CACNA2D2: variants seen among roughly 807,000 people sequenced by gnomAD.
CACNA2D2 encodes voltage-dependent calcium channel subunit alpha-2/delta-2.
In CACNA2D2, 48 loss-of-function variants were observed where a neutral mutation model predicts 166.4. That is an observed-to-expected ratio of 0.29 (90% CI 0.23 to 0.37). CACNA2D2 has a LOEUF of 0.37. CACNA2D2 is among the 10% of genes least tolerant of loss of function. CACNA2D2 has a pLI of 1.00. For missense variants in CACNA2D2, 1,122 were observed against 1,433.0 expected (o/e 0.78, Z 3.50); for synonymous variants, 561 against 573.7 (o/e 0.98, Z 0.32).
rs746491690 is a variant in CACNA2D2 at position 50,384,306 on chromosome 3, C to T, written c.542G>A (p.Gly181Glu). ...DDPESEDVERGSKASTLRLDF... is the reference protein window; with the variant it reads ...DDPESEDVERESKASTLRLDF... The stretch of plus-strand genomic sequence containing the variant: ...CAGCCTTAGGGTGCTGGCCTTAGAC[C>T]CCCTTTCCACATCCTCACTCTCAGG... The change falls in exon 6 of 38, where the codon GGG becomes GAG. Residue 181 changes from glycine (G) to glutamate (E), a missense_variant. Coordinates refer to ENST00000424201, the MANE Select transcript of CACNA2D2 (RefSeq NM_006030.4). 5 of 1,613,928 alleles carry T rather than the reference C, an allele frequency of 3.1e-6. No homozygotes were observed. The African/African-American group carries it at 6.7e-5, about 22-fold the overall frequency.
At chr3:50,447,231 G>GT (rs1164319621) in intron 2 of CACNA2D2, among the ~76,000 whole-genome samples, 4 of 152,196 alleles carry the variant, frequency 2.6e-5, no homozygotes, top group African/African-American at 9.7e-5. Flanking sequence ...CTGAGAAACT[G>GT]TAAGGTCGTC....
intron 6 of CACNA2D2, among the ~76,000 whole-genome samples, chr3:50,382,257 C>T (rs948993976): frequency 5.9e-5 from 9 of 152,174 alleles, no homozygotes; most frequent in Non-Finnish European, 1.0e-4. Flanking sequence ...CCTTCAGGGA[C>T]CCCCACCCTC....
At position 50,378,990 on chromosome 3, in the gene CACNA2D2, G is replaced by T; in HGVS notation, c.1264C>A (p.Arg422Ser). Residue 422 changes from arginine to serine, a missense_variant, in exon 13 of 38, where the codon CGC (arginine) becomes AGC (serine). Arg to Ser is a moderately radical substitution (Grantham distance 110). Coordinates refer to ENST00000424201, the MANE Select transcript of CACNA2D2 (RefSeq NM_006030.4). ...TGCCCCACGGAGAAAGTAAACACGC[G>T]CACCTGTGGGGGGTTTGAGGTTACT... ...EKYNWPNRTV[R>S]VFTFSVGQHN... 1 of 1,613,944 alleles carries T rather than the reference G, an allele frequency of 6.2e-7. No individual in the cohort carries two copies. The highest frequency in any genetic ancestry group is 1.1e-5 in the South Asian group (1 of 91,084).
chr3:50,471,763 T>C (rs984834709), intron 2 of CACNA2D2, among the ~76,000 whole-genome samples: 5 of 152,124 alleles, frequency 3.3e-5, no homozygotes, highest in Non-Finnish European at 5.9e-5. Flanking sequence ...TGGCCAGACT[T>C]TGGTCAGTGC....
At chr3:50,483,420 T>A (rs1698140769) in intron 1 of CACNA2D2, among the ~76,000 whole-genome samples, 1 of 152,220 alleles carries the variant, frequency 6.6e-6, no homozygotes, top group African/African-American at 2.4e-5. Flanking sequence ...TACTTCCTGG[T>A]CCTTCATGAG....
At chr3:50,369,580 C>T (rs995041067) in intron 23 of CACNA2D2, among the ~76,000 whole-genome samples, 2 of 152,162 alleles carry the variant, frequency 1.3e-5, no homozygotes, top group Non-Finnish European at 2.9e-5. Context: ...CCTTCCAGTG[C>T]CCCTGGGTCT....
chr3:50,443,261 A>ACCCACCCTGGC lies in CACNA2D2; in HGVS notation c.289-8843_289-8833dup, dbSNP rs375045892. Among the ~76,000 whole-genome samples, 389 of 152,180 alleles carry ACCCACCCTGGC rather than the reference A, an allele frequency of 2.6e-3. 2 individuals carry two copies. Among genetic ancestry groups the ACCCACCCTGGC allele is most frequent in the African/African-American group, 8.5e-3 (355 of 41,532 alleles). On this transcript the variant is annotated intron_variant, in intron 2 of 37. Coordinates refer to ENST00000424201, the MANE Select transcript of CACNA2D2 (RefSeq NM_006030.4). The stretch of plus-strand genomic sequence containing the variant: ...GTGTCGGCGTCTGGGCCCCCTTGCC[A>ACCCACCCTGGC]CCCACCCTGGCTCTGCTCTCTCCCG...
At position 50,378,900 on chromosome 3, in the gene CACNA2D2, G is replaced by A; in HGVS notation, c.1339+15C>T. ...TGGCAGGCAGGCCCCTGACAGTGATGCGCAGGGGAGGTACCTTTGTTGGCA... is the reference window on the plus strand; with the variant it reads ...TGGCAGGCAGGCCCCTGACAGTGATACGCAGGGGAGGTACCTTTGTTGGCA... On this transcript the variant is annotated intron_variant, in intron 13 of 37. Coordinates refer to ENST00000424201, the MANE Select transcript of CACNA2D2 (RefSeq NM_006030.4). The A allele has an allele frequency of 1.2e-6, 2 of 1,612,952 alleles. No homozygotes were observed. Among genetic ancestry groups the A allele is most frequent in the Non-Finnish European group, 1.7e-6 (2 of 1,179,444 alleles).
Position 50,394,143 on chromosome 3 carries a change from A to G in CACNA2D2, c.431T>C (p.Phe144Ser), listed in dbSNP as rs564823519. 3 of 1,614,028 alleles carry G rather than the reference A, an allele frequency of 1.9e-6. No individual in the cohort carries two copies. The African/African-American group carries it at 4.0e-5, about 22-fold the overall frequency. The part of the protein sequence containing the change: ...LKRLADAAEN[F>S]QKAHRWQDNI... ...GTCCTGCCAGCGGTGTGCTTTCTGG[A>G]AGTTCTCTGCAGCATCAGCCAGTCT... is the stretch of plus-strand genomic sequence containing the variant. Residue 144 changes from phenylalanine to serine, a missense_variant, in exon 4 of 38, where the codon TTC (phenylalanine) becomes TCC (serine). Physicochemically the swap from Phe to Ser is radical, Grantham distance 155. Transcript: ENST00000424201.
chr3:50,446,262 C>T (rs1012315899), intron 2 of CACNA2D2, among the ~76,000 whole-genome samples: 2 of 152,210 alleles, frequency 1.3e-5, no homozygotes, highest in African/African-American at 2.4e-5. Context: ...CCATTACTGG[C>T]GGGGCCAAAG....
chr3:50,464,582 G>T (rs991596170), intron 2 of CACNA2D2, among the ~76,000 whole-genome samples: 1 of 152,198 alleles, frequency 6.6e-6, no homozygotes, highest in African/African-American at 2.4e-5. Context: ...GTCTGAGGGG[G>T]AGACACAGTA....
Position 50,379,934 on chromosome 3 carries a change from G to C in CACNA2D2, c.893+34C>G, listed in dbSNP as rs182383311. ...AGAGTCTAGCCCATTGCCCGTCCCT[G>C]CCCCAGCCCCACTTGCCAGCACTGC... On this transcript the variant is annotated intron_variant, in intron 9 of 37. Transcript: ENST00000424201. This position sits in a 1 kb window ranked among gnomAD's most constrained non-coding sequence, Gnocchi z 6.5. 678 of 1,613,688 alleles carry C rather than the reference G, an allele frequency of 4.2e-4. 5 individuals are homozygous for C. The East Asian group carries it at 0.014, about 34-fold the overall frequency.
chr3:50,469,807 G>C (rs1204215741), intron 2 of CACNA2D2, among the ~76,000 whole-genome samples: 1 of 152,208 alleles, frequency 6.6e-6, no homozygotes, highest in Non-Finnish European at 1.5e-5. Flanking sequence ...CCCAAATCCA[G>C]CTTGGCCTTA....
At chr3:50,448,448 C>G (rs956401843) in intron 2 of CACNA2D2, among the ~76,000 whole-genome samples, 3 of 152,134 alleles carry the variant, frequency 2.0e-5, no homozygotes, top group African/African-American at 7.2e-5. Flanking sequence ...CACTGGTGAG[C>G]ACATAGGAAG....
Position 50,377,452 on chromosome 3 carries a change from C to A in CACNA2D2, c.1626+15G>T. On this transcript the variant is annotated intron_variant, in intron 17 of 37. Coordinates refer to ENST00000424201, the MANE Select transcript of CACNA2D2 (RefSeq NM_006030.4). ...ATGGGAGGCAGGGTACGCGGATGGG[C>A]AGGGGGATGCTCACCGTGTAGTTGG... The A allele has an allele frequency of 6.2e-7, 1 of 1,608,178 alleles. No individual in the cohort carries two copies. The highest frequency in any genetic ancestry group is 1.1e-5 in the South Asian group (1 of 90,952).
At chr3:50,434,874 C>A (rs1232214572) in intron 2 of CACNA2D2, among the ~76,000 whole-genome samples, 9 of 152,242 alleles carry the variant, frequency 5.9e-5, no homozygotes, top group African/African-American at 2.2e-4. Flanking sequence ...GATGCTCACG[C>A]CCATGCATGG....
At position 50,384,453 on chromosome 3, in the gene CACNA2D2, AAG is replaced by A. The variant is rs1215466366; in HGVS notation, c.511-118_511-117del. The A allele has an allele frequency of 5.1e-6, 6 of 1,182,954 alleles. No homozygotes were observed. The Admixed American group carries it at 6.2e-5, about 12-fold the overall frequency. The allele number at this position is 1,182,954 out of a possible 1,614,324, so 73.3% of individuals were successfully genotyped here. A position where few individuals can be genotyped will look rare whatever the true frequency, so the allele number is the denominator to read the frequency against. ...GTCCAGGAGATAGGGGCATCTCAAA[AAG>A]AGAGACTATTGCAGTAGGAGACACA... On this transcript the variant is annotated intron_variant, in intron 5 of 37. Coordinates refer to ENST00000424201, the MANE Select transcript of CACNA2D2 (RefSeq NM_006030.4).
At chr3:50,419,035 G>A (rs776668207) in intron 3 of CACNA2D2, among the ~76,000 whole-genome samples, 34 of 152,154 alleles carry the variant, frequency 2.2e-4, no homozygotes, top group Non-Finnish European at 3.2e-4. Context: ...AGTGGGGGAG[G>A]TGAGAGGAAC....
At chr3:50,501,932 G>A (rs1200605981) in intron 1 of CACNA2D2, among the ~76,000 whole-genome samples, 3 of 152,164 alleles carry the variant, frequency 2.0e-5, no homozygotes, top group Non-Finnish European at 4.4e-5. Context: ...ACACGTCCGT[G>A]CGGCACTTGT....
Sources: gnomAD v4.1 joint callset for allele counts (sites outside exome capture counted in the v4.1 genomes callset) on GRCh38, gnomAD v4.1.1 for gene constraint, Gnocchi (gnomAD v3.1) non-coding constraint, MANE v1.5 for transcripts, NCBI Gene and HGNC (gene_info 2026-07-23, HGNC 2026-07-21) for gene names.